Variants in ADAMTS17 observed in about 807,000 individuals in gnomAD.
The protein encoded by ADAMTS17 is ADAM metallopeptidase with thrombospondin type 1 motif 17.
ADAMTS17 carries 113 observed loss-of-function variants against 141.5 expected under a neutral mutation model. That is an observed-to-expected ratio of 0.80 (90% CI 0.69 to 0.93). The LOEUF is 0.93. Ranked by LOEUF, ADAMTS17 falls within the 40% of genes least tolerant of loss-of-function variation. The pLI is 0.00. For synonymous variants in ADAMTS17, 768 were observed against 630.6 expected, an observed-to-expected ratio of 1.22 and a Z score of -3.27; for missense variants, 1,659 against 1,517.9, an observed-to-expected ratio of 1.09 and a Z score of -1.54.
chr15:100,174,331 A>C (rs2040261751), intron 8 of ADAMTS17, among the ~76,000 whole-genome samples: 1 of 150,748 alleles, frequency 6.6e-6, no homozygotes, highest in African/African-American at 2.5e-5. Context: ...TCATCTAGAT[A>C]GTCTGCCCTG....
At chr15:100,019,999 G>A (rs1471972953) in intron 18 of ADAMTS17, among the ~76,000 whole-genome samples, 2 of 150,656 alleles carry the variant, frequency 1.3e-5, no homozygotes, top group African/African-American at 2.4e-5. Flanking sequence ...CTAAGATTTG[G>A]AAAAAAAAGA....
chr15:100,099,379 G>C (rs757628390), intron 14 of ADAMTS17, among the ~76,000 whole-genome samples: 1 of 152,194 alleles, frequency 6.6e-6, no homozygotes, highest in Non-Finnish European at 1.5e-5. Flanking sequence ...TATAATCTTG[G>C]CAGAAACTGG....
At chr15:100,162,410 G>A (rs950337045) in intron 8 of ADAMTS17, among the ~76,000 whole-genome samples, 15 of 144,250 alleles carry the variant, frequency 1.0e-4, no homozygotes, top group East Asian at 8.1e-4. Context: ...GTGTATATAT[G>A]TGTATATATA....
intron 20 of ADAMTS17, among the ~76,000 whole-genome samples, chr15:99,977,791 T>C (rs1211686406): frequency 3.3e-5 from 5 of 152,098 alleles, no homozygotes; most frequent in African/African-American, 1.2e-4. Flanking sequence ...GATTCTGCTC[T>C]TGAGCTTTTC....
chr15:100,334,357 T>C (rs1244198442), intron 2 of ADAMTS17, among the ~76,000 whole-genome samples: 1 of 152,154 alleles, frequency 6.6e-6, no homozygotes, highest in African/African-American at 2.4e-5. Flanking sequence ...AAGACCGCAA[T>C]GGAATTCCCT....
rs2037168791 is a variant in ADAMTS17 at position 100,116,900 on chromosome 15, T to C, written c.1835A>G (p.His612Arg). The C allele has an allele frequency of 1.2e-6, 2 of 1,614,194 alleles. No individual in the cohort carries two copies. Among genetic ancestry groups the C allele is most frequent in the Non-Finnish European group, 1.7e-6 (2 of 1,180,036 alleles). Residue 612 changes from histidine to arginine, a missense_variant, in exon 13 of 22, where the codon CAC (histidine) becomes CGC (arginine). Coordinates refer to ENST00000268070, the MANE Select transcript of ADAMTS17 (RefSeq NM_139057.4). ...TTTCTTCTTGGGGCTCAGCCGGTCG[T>C]GTGCCTGGCACTGCTGGTCCCGGAA... ...PSFRDQQCQAHDRLSPKKKGL... is the reference protein window; with the variant it reads ...PSFRDQQCQARDRLSPKKKGL...
intron 4 of ADAMTS17, among the ~76,000 whole-genome samples, chr15:100,270,292 T>A (rs182238592): frequency 6.6e-6 from 1 of 152,326 alleles, no homozygotes; most frequent in African/African-American, 2.4e-5. Flanking sequence ...CCATGCTTGT[T>A]TTATCTTCTC....
chr15:100,220,579 T>G (rs534368222), intron 7 of ADAMTS17, among the ~76,000 whole-genome samples: 10 of 152,326 alleles, frequency 6.6e-5, no homozygotes, highest in South Asian at 4.1e-4. Flanking sequence ...GTTTTAGTAC[T>G]TTCTCAAAGT....
intron 15 of ADAMTS17, among the ~76,000 whole-genome samples, chr15:100,060,264 T>C (rs2033010889): frequency 6.6e-6 from 1 of 152,234 alleles, no homozygotes; most frequent in South Asian, 2.1e-4. Context: ...TCAGAAGCTC[T>C]CAACAGTTAG....
At position 100,339,507 on chromosome 15, in the gene ADAMTS17, C is replaced by T. The variant is rs559885355; in HGVS notation, c.450+1532G>A. Among the ~76,000 whole-genome samples, 6 of 152,220 alleles carry T rather than the reference C, an allele frequency of 3.9e-5. No homozygotes were observed. In the South Asian group the frequency reaches 1.0e-3, roughly 26 times the overall value. ...CCCAGAACATGATACAGCCTTGACC[C>T]GAGCCCTACAGTGATCTGAGCCTTT... On this transcript the variant is annotated intron_variant, in intron 2 of 21. Coordinates refer to ENST00000268070, the MANE Select transcript of ADAMTS17 (RefSeq NM_139057.4).
chr15:100,033,370 A>G (rs2030374545), intron 18 of ADAMTS17, among the ~76,000 whole-genome samples: 1 of 152,216 alleles, frequency 6.6e-6, no homozygotes, highest in East Asian at 1.9e-4. Context: ...CCCATCCAAG[A>G]GTAACATTCC....
intron 4 of ADAMTS17, among the ~76,000 whole-genome samples, chr15:100,272,223 T>A (rs1261470544): frequency 6.6e-6 from 1 of 152,194 alleles, no homozygotes; most frequent in Admixed American, 6.5e-5. Flanking sequence ...TAGAATGGAT[T>A]TCTCTATCTC....
At chr15:100,021,772 CGCCCTG>C (rs1373204968) in intron 18 of ADAMTS17, among the ~76,000 whole-genome samples, 7 of 152,198 alleles carry the variant, frequency 4.6e-5, no homozygotes, top group Admixed American at 6.5e-5. Flanking sequence ...CAAGCCTTGT[CGCCCTG>C]GCCCTGGCCA....
intron 17 of ADAMTS17, among the ~76,000 whole-genome samples, chr15:100,049,852 G>A (rs548615956): frequency 6.6e-6 from 1 of 152,326 alleles, no homozygotes; most frequent in East Asian, 1.9e-4. Flanking sequence ...TAACTTCCCT[G>A]TGCCTCAGGG....
At chr15:100,152,521 G>C in intron 10 of ADAMTS17, 91 bp downstream of exon 10, 3 of 1,557,856 alleles carry the variant, frequency 1.9e-6, no homozygotes, top group South Asian at 2.2e-5. Context: ...TGCTGAGTGT[G>C]AATGCCCATG....
At chr15:100,171,341 C>T (rs771244182) in intron 8 of ADAMTS17, among the ~76,000 whole-genome samples, 6 of 152,160 alleles carry the variant, frequency 3.9e-5, no homozygotes, top group Non-Finnish European at 7.4e-5. Context: ...ATTATTTGGA[C>T]GGCTGCCTTT....
intron 15 of ADAMTS17, among the ~76,000 whole-genome samples, chr15:100,082,698 C>A (rs1431340638): frequency 6.7e-6 from 1 of 150,022 alleles, no homozygotes; most frequent in African/African-American, 2.4e-5. Context: ...GCTACGATAT[C>A]ATCTTAAATC....
At chr15:100,110,168 T>TATATATATATATTTATATACTG (rs1491537657) in intron 13 of ADAMTS17, among the ~76,000 whole-genome samples, 20 of 35,900 alleles carry the variant, frequency 5.6e-4, no homozygotes, top group Admixed American at 1.7e-3. Context: ...AAAGACTCAG[T>TATATATATATATTTATATACTG]ATATATATAT....
intron 14 of ADAMTS17, among the ~76,000 whole-genome samples, chr15:100,107,271 A>G (rs2036467790): frequency 6.6e-6 from 1 of 152,218 alleles, no homozygotes; most frequent in Admixed American, 6.5e-5. Context: ...AGCAAAGAGC[A>G]TAAGCAGATC....
Sources: gnomAD v4.1 joint callset for allele counts (sites outside exome capture counted in the v4.1 genomes callset) on GRCh38, gnomAD v4.1.1 for gene constraint, MANE v1.5 for transcripts, NCBI Gene and HGNC (gene_info 2026-07-23, HGNC 2026-07-21) for gene names.